The following STAB2 variants were observed in gnomAD, a reference collection of about 807,000 sequenced individuals.
STAB2 encodes the protein stabilin 2, also known as stabilin-2.
A neutral mutation model predicts 338.1 loss-of-function variants in STAB2; 288 were observed. That is an observed-to-expected ratio of 0.85 (90% confidence interval 0.77 to 0.94). The LOEUF (loss-of-function observed/expected upper bound fraction) is 0.94, where lower values mean the gene tolerates loss of function less well. Ranked by LOEUF, STAB2 falls within the 40% of genes least tolerant of loss-of-function variation. The probability of loss-of-function intolerance (pLI) is 0.00; values close to 1 mark genes in which losing one functional copy is unlikely to be tolerated. For missense variants in STAB2, 3,141 were observed against 3,210.1 expected (o/e 0.98, Z 0.52); for synonymous variants, 1,202 against 1,193.3 (o/e 1.01, Z -0.15).
intron 9 of STAB2, among the ~76,000 whole-genome samples, chr12:103,641,143 G>A (rs947423713): frequency 2.0e-5 from 3 of 152,202 alleles, no homozygotes; most frequent in Non-Finnish European, 2.9e-5. Flanking sequence ...TGATAAAACA[G>A]TTTCTGTGAT....
intron 1 of STAB2, among the ~76,000 whole-genome samples, chr12:103,588,063 A>G (rs1956739845): frequency 6.6e-6 from 1 of 152,194 alleles, no homozygotes; most frequent in Non-Finnish European, 1.5e-5. Context: ...TCTTACCAGT[A>G]GCCCCTATGA....
intron 44 of STAB2, among the ~76,000 whole-genome samples, chr12:103,724,463 G>C (rs1221530150): frequency 6.6e-6 from 1 of 152,178 alleles, no homozygotes; most frequent in African/African-American, 2.4e-5. Context: ...GAGTGTCCCT[G>C]CAGTGAGCGT....
intron 6 of STAB2, 105 bp from the exon 7 acceptor site, chr12:103,637,006 C>G: frequency 7.9e-7 from 1 of 1,259,504 alleles, no homozygotes; most frequent in Non-Finnish European, 1.1e-6. Flanking sequence ...TAAATTATTA[C>G]AATGAGTTTG....
intron 5 of STAB2, among the ~76,000 whole-genome samples, chr12:103,627,864 G>A (rs545584921): frequency 8.2e-4 from 125 of 152,320 alleles, no homozygotes; most frequent in African/African-American, 2.9e-3. Flanking sequence ...AATCATCACT[G>A]TATCTCCTAG....
intron 67 of STAB2, among the ~76,000 whole-genome samples, chr12:103,762,625 A>G (rs75992048): frequency 0.043 from 6,507 of 152,288 alleles, 173 homozygotes; most frequent in South Asian, 0.087. Context: ...CTTCTGGCTG[A>G]GACAGGGCTT....
Position 103,737,619 on chromosome 12 carries a change from TTTTTTC to T in STAB2, c.5551-11_5551-6del. On this transcript the variant is annotated splice_polypyrimidine_tract_variant and intron_variant, in intron 52 of 68. Transcript: ENST00000388887. ...CTCTCTCTTTCTCTTTTTTTTTTTT[TTTTTTC>T]TTTCTTAGGGTGACCTCTTTCTGAA... 1.3e-6 allele frequency: 2 copies of T among 1,531,442 alleles called. No individual in the cohort carries two copies. The highest frequency in any genetic ancestry group is 1.7e-6 in the Non-Finnish European group (2 of 1,148,586). 94.9% of individuals were successfully genotyped at this position (1,531,442 alleles called of 1,614,324 possible). A position where few individuals can be genotyped will look rare whatever the true frequency, so the allele number is the denominator to read the frequency against.
At chr12:103,649,918 C>G (rs1281978240) in intron 10 of STAB2, among the ~76,000 whole-genome samples, 1 of 152,098 alleles carries the variant, frequency 6.6e-6, no homozygotes, top group East Asian at 1.9e-4. Context: ...TGACAAAGTC[C>G]TTATACACTG....
At position 103,749,074 on chromosome 12, in the gene STAB2, A is replaced by G; in HGVS notation, c.6356A>G (p.His2119Arg). 6.2e-7 allele frequency: 1 copy of G among 1,614,192 alleles called. No homozygotes were observed. Among genetic ancestry groups the G allele is most frequent in the Non-Finnish European group, 8.5e-7 (1 of 1,180,034 alleles). The change falls in exon 59 of 69, where the codon CAC becomes CGC. Residue 2119 changes from histidine to arginine, a missense_variant. Transcript: ENST00000388887. ...CAGAAGGGATACAAAGGGGACGGGC[A>G]CAGCTGCACAGAGATAGACCCCTGT... is the stretch of plus-strand genomic sequence containing the variant. ...SCQKGYKGDGHSCTEIDPCAD... is the reference protein window; with the variant it reads ...SCQKGYKGDGRSCTEIDPCAD...
chr12:103,740,227 A>G (rs1415517012), intron 54 of STAB2, among the ~76,000 whole-genome samples: 1 of 152,168 alleles, frequency 6.6e-6, no homozygotes, highest in East Asian at 1.9e-4. Context: ...TAAAACCTAT[A>G]ACAAAAATAT....
chr12:103,730,636 A>C (rs1425038255), intron 49 of STAB2, among the ~76,000 whole-genome samples: 7 of 152,186 alleles, frequency 4.6e-5, no homozygotes, highest in Non-Finnish European at 8.8e-5. Flanking sequence ...AGAATCCACT[A>C]CACTTAGACA....
chr12:103,594,990 G>A (rs1956854539), intron 3 of STAB2, among the ~76,000 whole-genome samples: 1 of 150,428 alleles, frequency 6.6e-6, no homozygotes, highest in African/African-American at 2.4e-5. Flanking sequence ...AAGAAACTGT[G>A]TAAAGTTAAT....
chr12:103,603,638 T>G (rs181558614), intron 3 of STAB2, among the ~76,000 whole-genome samples: 1 of 152,336 alleles, frequency 6.6e-6, no homozygotes, highest in East Asian at 1.9e-4. Context: ...AGCCTTAAAA[T>G]GAAGTAGTGT....
chr12:103,708,568 G>T, intron 39 of STAB2, 32 bp downstream of exon 39: 1 of 1,598,904 alleles, frequency 6.3e-7, no homozygotes, highest in East Asian at 2.2e-5. Flanking sequence ...TTTATAATCT[G>T]CTCTAAGCTT....
intron 18 of STAB2, 146 bp downstream of exon 18, chr12:103,663,144 G>A: frequency 9.7e-7 from 1 of 1,030,940 alleles, no homozygotes; most frequent in Non-Finnish European, 1.4e-6. Flanking sequence ...TCATGAAGAT[G>A]CAGGTGGATC....
At chr12:103,635,038 G>T (rs117151043) in intron 6 of STAB2, among the ~76,000 whole-genome samples, 1 of 152,202 alleles carries the variant, frequency 6.6e-6, no homozygotes, top group Non-Finnish European at 1.5e-5. Flanking sequence ...TAGTCTCTGT[G>T]AACTATTTTA....
In STAB2 at chr12:103,650,448, A is replaced by G. The variant is rs747308119; in HGVS notation, c.1175-48A>G. The stretch of plus-strand genomic sequence containing the variant: ...TGCCTGATTTTACTCCTCCTGTACC[A>G]CTGACTCATTTGGCGTTTTCTTTCT... On this transcript the variant is annotated intron_variant, in intron 10 of 68. Coordinates refer to ENST00000388887, the MANE Select transcript of STAB2 (RefSeq NM_017564.10). 11 of 1,554,450 alleles carry G rather than the reference A, an allele frequency of 7.1e-6. No individual in the cohort carries two copies. The Middle Eastern group carries it at 5.0e-4, about 71-fold the overall frequency.
chr12:103,765,942 C>T, intron 68 of STAB2: 1 of 388,952 alleles, frequency 2.6e-6, no homozygotes, highest in South Asian at 2.1e-5. Context: ...TATTAGCCAC[C>T]TTTTGTGAGG....
intron 68 of STAB2, 87 bp downstream of exon 68, chr12:103,763,695 A>C: frequency 8.2e-7 from 1 of 1,217,446 alleles, no homozygotes; most frequent in Non-Finnish European, 1.2e-6. Context: ...AGATCTTTGT[A>C]CCAAAGAAGG....
rs899992002 is a variant in STAB2, at chr12:103,737,678, G to A, written c.5595G>A (p.Arg1865=). 1 of 1,612,454 alleles carries A rather than the reference G, an allele frequency of 6.2e-7. No individual in the cohort carries two copies. The change falls in exon 53 of 69, where the codon CGG becomes CGA. Residue 1865 remains arginine, a synonymous_variant. Transcript: ENST00000388887. ...GCCAAACCTGCAGAATTGTGCAGCG[G>A]GAGCTCTTGTTTGACCTGGGTGTGG... is the stretch of plus-strand genomic sequence containing the variant. ...LNGQTCRIVQ[R]ELLFDLGVAY... is the part of the protein sequence containing the mutation.
Sources: gnomAD v4.1 joint callset for allele counts (sites outside exome capture counted in the v4.1 genomes callset) on GRCh38, gnomAD v4.1.1 for gene constraint, MANE v1.5 for transcripts, NCBI Gene and HGNC (gene_info 2026-07-23, HGNC 2026-07-21) for gene names.